Variants in RNF213 observed in about 807,000 individuals in gnomAD.
RNF213 encodes the protein ring finger protein 213.
RNF213 carries 341 observed loss-of-function variants against 514.4 expected under a neutral mutation model. The observed-to-expected ratio is 0.66, with a 90% confidence interval of 0.61 to 0.73. The LOEUF is 0.73. Among genes scored for constraint, RNF213 ranks in the 30% least tolerant of loss-of-function variants. The pLI, the probability that RNF213 is intolerant of heterozygous loss-of-function variation, is 0.00. For synonymous variants in RNF213, 2,655 were observed against 2,658.2 expected (o/e 1.00, Z 0.04); for missense variants, 5,767 against 6,615.6 (o/e 0.87, Z 4.45).
At chr17:80,376,203 C>T in intron 51 of RNF213, 98 bp from the exon 52 acceptor site, 1 of 1,412,494 alleles carries the variant, frequency 7.1e-7, no homozygotes, top group South Asian at 1.2e-5. Flanking sequence ...TCCATATTTA[C>T]CTTGATATTT....
chr17:80,270,694 TG>T (rs1160667123), intron 2 of RNF213, among the ~76,000 whole-genome samples: 1 of 152,296 alleles, frequency 6.6e-6, no homozygotes, highest in East Asian at 1.9e-4. Flanking sequence ...AAGCTCGTTT[TG>T]CTTTGGTTGG....
chr17:80,262,343 A>G (rs895333080), intron 1 of RNF213, among the ~76,000 whole-genome samples: 2 of 152,146 alleles, frequency 1.3e-5, no homozygotes, highest in African/African-American at 2.4e-5. Flanking sequence ...CCTATTGGGA[A>G]CCTCATCAAA....
intron 48 of RNF213, 51 bp from the exon 49 acceptor site, chr17:80,372,924 T>C: frequency 7.6e-6 from 12 of 1,575,028 alleles, no homozygotes; most frequent in Non-Finnish European, 1.0e-5. Context: ...TGTCCTACAA[T>C]AAATGCCCTA....
rs1480091272 is a variant in RNF213 at position 80,294,636 on chromosome 17, C to T, written c.1472-84C>T. 10 of 1,503,542 alleles carry T rather than the reference C, an allele frequency of 6.7e-6. No homozygotes were observed. In the African/African-American group the frequency reaches 6.9e-5, roughly 10 times the overall value. 93.1% of individuals were successfully genotyped at this position (1,503,542 alleles called of 1,614,324 possible). ...CCATTTACTCCATATCTGTACCAGT[C>T]GTGATCAGCCTTCTAGGCTAGTGTC... is the stretch of plus-strand genomic sequence containing the variant. On this transcript the variant is annotated intron_variant, in intron 8 of 67. Transcript: ENST00000582970.
intron 1 of RNF213, among the ~76,000 whole-genome samples, chr17:80,262,481 TC>T (rs1182908194): frequency 1.3e-5 from 2 of 152,010 alleles, no homozygotes; most frequent in Non-Finnish European, 2.9e-5. Context: ...TCAGAGCTGC[TC>T]TCAGAGGAAC....
rs1268182657 is a variant in RNF213 at position 80,288,021 on chromosome 17, G to A, written c.468G>A (p.Thr156=). The A allele has an allele frequency of 1.9e-5, 31 of 1,596,282 alleles. No homozygotes were observed. The highest frequency in any genetic ancestry group is 1.7e-4 in the Middle Eastern group (1 of 6,034). ...GCCAGCCCCCAGGCACAGCCACCAC[G>A]CCACTGGAGGGTGACGGCCTCTCCG... ...QPSQPPGTAT[T]PLEGDGLSAP... Residue 156 remains threonine, a synonymous_variant, in exon 4 of 68, where the codon ACG becomes ACA. Transcript: ENST00000582970. This position sits in a 1 kb window ranked among gnomAD's most constrained non-coding sequence, Gnocchi z 4.9.
intron 19 of RNF213, 114 bp downstream of exon 19, chr17:80,328,103 A>G (rs2046325717): frequency 4.7e-6 from 6 of 1,274,952 alleles, no homozygotes; most frequent in East Asian, 2.5e-5. Context: ...AGCCTTGATA[A>G]TGAGTATCTC....
intron 3 of RNF213, among the ~76,000 whole-genome samples, chr17:80,286,804 C>T (rs762895297): frequency 2.0e-5 from 3 of 152,010 alleles, no homozygotes; most frequent in African/African-American, 7.3e-5. Flanking sequence ...CTGATCCACA[C>T]GCACCCCTGA....
chr17:80,365,882 G>A (rs1032586398), intron 42 of RNF213, among the ~76,000 whole-genome samples: 15 of 152,214 alleles, frequency 9.9e-5, no homozygotes, highest in Non-Finnish European at 1.5e-4. Context: ...TAAAGGAGCT[G>A]GCCCCTGCCT....
Position 80,380,875 on chromosome 17 carries a change from C to A in RNF213, c.13685C>A (p.Pro4562Gln). 1 of 1,614,178 alleles carries A rather than the reference C, an allele frequency of 6.2e-7. No individual in the cohort carries two copies. Among genetic ancestry groups the A allele is most frequent in the South Asian group, 1.1e-5 (1 of 91,086 alleles). ...RTQTGHVLGN[P>Q]QRRDVVTCDR... ...CAGACCGGCCACGTGCTGGGCAACCCGCAGCGGAGAGACGTGGTGACATGT... is the reference window on the plus strand; with the variant it reads ...CAGACCGGCCACGTGCTGGGCAACCAGCAGCGGAGAGACGTGGTGACATGT... The change falls in exon 56 of 68, where the codon CCG becomes CAG. Residue 4562 changes from proline (P) to glutamine (Q), a missense_variant. Coordinates refer to ENST00000582970, the MANE Select transcript of RNF213 (RefSeq NM_001256071.3).
rs1568184258 is a variant in RNF213, at chr17:80,398,148, TTG to T, written c.*4651_*4652del. On this transcript the variant is annotated 3_prime_UTR_variant, in exon 68 of 68. Transcript: ENST00000582970. The stretch of plus-strand genomic sequence containing the variant: ...TGGCACTCTGGTTTTTGTTTTTGAC[TTG>T]ACTTGGATTGCTTGATACTTTGGTT... The T allele has an allele frequency of 2.6e-5, 4 of 151,982 alleles. No homozygotes were observed. The highest frequency in any genetic ancestry group is 5.9e-5 in the Non-Finnish European group (4 of 68,020). 9.4% of individuals were successfully genotyped at this position (151,982 alleles called of 1,614,324 possible). A position where few individuals can be genotyped will look rare whatever the true frequency, so the allele number is the denominator to read the frequency against.
intron 63 of RNF213, among the ~76,000 whole-genome samples, 167 bp downstream of exon 63, chr17:80,387,058 G>A (rs908316195): frequency 3.9e-5 from 6 of 152,190 alleles, no homozygotes; most frequent in Admixed American, 1.3e-4. Flanking sequence ...CTGTATCTCC[G>A]GGCCGCAGGG....
chr17:80,317,188 G>T lies in RNF213; in HGVS notation c.2812G>T (p.Val938Phe). 1 of 1,611,646 alleles carries T rather than the reference G, an allele frequency of 6.2e-7. No individual in the cohort carries two copies. Among genetic ancestry groups the T allele is most frequent in the Non-Finnish European group, 8.5e-7 (1 of 1,179,522 alleles). The change falls in exon 16 of 68, where the codon GTC (valine) becomes TTC (phenylalanine). Residue 938 changes from valine (V) to phenylalanine (F), a missense_variant and splice_region_variant. This residue lies in a region of RNF213 where 592 missense variants were observed against 673.9 expected (regional missense o/e 0.88). Coordinates refer to ENST00000582970, the MANE Select transcript of RNF213 (RefSeq NM_001256071.3). This position sits in a 1 kb window ranked among gnomAD's most constrained non-coding sequence, Gnocchi z 4.1. The part of the protein sequence containing the change: ...ASFTYVKEIE[V>F]WRRLVEIQFP... The stretch of plus-strand genomic sequence containing the variant: ...TGTGACCTGTGTGCGGGTTTTGCAG[G>T]TCTGGAGGCGGCTGGTGGAAATCCA...
At chr17:80,298,610 C>G in intron 11 of RNF213, 92 bp downstream of exon 11, 1 of 1,316,650 alleles carries the variant, frequency 7.6e-7, no homozygotes, top group Non-Finnish European at 1.1e-6. Flanking sequence ...TGCAGTGACT[C>G]CATTCCTGAT....
Position 80,379,675 on chromosome 17 carries a change from GCATTGA to G in RNF213, c.13603_13608del (p.Ile4535_Asp4536del). 1 of 1,614,230 alleles carries G rather than the reference GCATTGA, an allele frequency of 6.2e-7. No individual in the cohort carries two copies. The highest frequency in any genetic ancestry group is 8.5e-7 in the Non-Finnish European group (1 of 1,180,038). Reference sequence around the variant, plus strand: ...ATTGACTGCCATGCGCCGATTGGAGGCATTGACCACAAACCTCGGGACGGCTTTCAT... The same window carrying G: ...ATTGACTGCCATGCGCCGATTGGAGGCCACAAACCTCGGGACGGCTTTCAT... On this transcript the variant is annotated inframe_deletion, in exon 55 of 68. Transcript: ENST00000582970.
chr17:80,336,303 C>T lies in RNF213; in HGVS notation c.4452C>T (p.Asp1484=). 6.5e-7 allele frequency: 1 copy of T among 1,537,298 alleles called. No individual in the cohort carries two copies. ...TATTTAAGCTGGACCCCAGCGTGGA[C>T]TTCAGTGCATTCATGAAGCATCTGA... The part of the protein sequence containing the change: ...SLLFKLDPSV[D]FSAFMKHLKK... Residue 1484 remains aspartate (D), a synonymous_variant, in exon 23 of 68, where the codon GAC becomes GAT. Transcript: ENST00000582970.
intron 11 of RNF213, 54 bp downstream of exon 11, chr17:80,298,572 A>T: frequency 6.3e-7 from 1 of 1,598,808 alleles, no homozygotes; most frequent in South Asian, 1.1e-5. Context: ...TGACTCCTAC[A>T]TTGTGCACCC....
chr17:80,388,340 G>T (rs945776473), intron 63 of RNF213, among the ~76,000 whole-genome samples: 6 of 152,318 alleles, frequency 3.9e-5, no homozygotes, highest in Admixed American at 6.5e-5. Context: ...ACAAATACCT[G>T]TTGCCCTAGC....
At chr17:80,325,282 A>C in intron 18 of RNF213, 84 bp downstream of exon 18, 1 of 1,312,852 alleles carries the variant, frequency 7.6e-7, no homozygotes, top group Non-Finnish European at 1.0e-6. Context: ...AGAAGATTTG[A>C]CATGATGATA....
Sources: gnomAD v4.1 joint callset for allele counts (sites outside exome capture counted in the v4.1 genomes callset) on GRCh38, gnomAD v4.1.1 for gene constraint, gnomAD v4.1.1 regional missense constraint, Gnocchi (gnomAD v3.1) non-coding constraint, MANE v1.5 for transcripts, NCBI Gene and HGNC (gene_info 2026-07-23, HGNC 2026-07-21) for gene names.